The following SNAP23 variants were observed in gnomAD, a reference collection of about 807,000 sequenced individuals.
SNAP23 encodes the protein synaptosomal-associated protein 23.
A neutral mutation model predicts 29.0 loss-of-function variants in SNAP23; 11 were observed. The observed-to-expected ratio is 0.38, with a 90% CI of 0.24 to 0.63. SNAP23 has a LOEUF of 0.63. SNAP23 is among the 20% of genes least tolerant of loss of function. SNAP23 has a pLI of 0.58. For synonymous variants in SNAP23, 60 were observed against 82.9 expected (o/e 0.72, Z 1.50); for missense variants, 220 against 253.9 (o/e 0.87, Z 0.91).
chr15:42,500,199 A>G (rs540572991), intron 1 of SNAP23, among the ~76,000 whole-genome samples: 124 of 98,074 alleles, frequency 1.3e-3, no homozygotes, highest in African/African-American at 5.0e-3. Flanking sequence ...TGGTTCCTTT[A>G]TCTGCAACAC....
At chr15:42,500,535 T>C (rs186742408) in intron 1 of SNAP23, among the ~76,000 whole-genome samples, 36 of 151,958 alleles carry the variant, frequency 2.4e-4, no homozygotes, top group African/African-American at 8.7e-4. Flanking sequence ...ATTACAGGCA[T>C]GCGCCACCAC....
At chr15:42,522,842 C>CTTTTTTTTTTTTTT (rs5812226) in intron 5 of SNAP23, among the ~76,000 whole-genome samples, 2 of 91,054 alleles carry the variant, frequency 2.2e-5, no homozygotes, top group Non-Finnish European at 1.9e-5. Flanking sequence ...TAAAACTTGC[C>CTTTTTTTTTTTTTT]TTTTTTTTTT....
chr15:42,525,752 G>A (rs1048659851), intron 5 of SNAP23, among the ~76,000 whole-genome samples: 2 of 151,910 alleles, frequency 1.3e-5, no homozygotes, highest in Non-Finnish European at 1.5e-5. Flanking sequence ...GTGAATCACC[G>A]CACCCGGCCA....
upstream of SNAP23, chr15:42,491,140 C>T (rs1210110525): frequency 6.6e-6 from 1 of 152,430 alleles, no homozygotes; most frequent in Non-Finnish European, 1.5e-5. Flanking sequence ...CAGGCGCACA[C>T]CGAAGCCGTC....
chr15:42,521,275 A>G (rs866372597), intron 5 of SNAP23, among the ~76,000 whole-genome samples: 6 of 152,356 alleles, frequency 3.9e-5, no homozygotes, highest in Middle Eastern at 3.4e-3. Context: ...ACATAATAGA[A>G]GTCATTAAGA....
intron 5 of SNAP23, among the ~76,000 whole-genome samples, chr15:42,525,451 CTTTTTTTTTTTTTTTTTTT>C (rs1158969519): frequency 4.2e-5 from 2 of 47,194 alleles, no homozygotes; most frequent in South Asian, 1.0e-3. Context: ...ATCCAGTCTT[CTTTTTTTTTTTTTTTTTTT>C]TTTTTTTTTT....
At chr15:42,513,091 A>G (rs2057369822) in intron 3 of SNAP23, 95 bp downstream of exon 3, 2 of 914,732 alleles carry the variant, frequency 2.2e-6, no homozygotes, top group Admixed American at 3.7e-5. Context: ...TAATGTATCA[A>G]TATGCTTTAT....
At chr15:42,517,904 G>A (rs570412581) in intron 5 of SNAP23, among the ~76,000 whole-genome samples, 51 of 152,132 alleles carry the variant, frequency 3.4e-4, no homozygotes, top group African/African-American at 1.2e-3. Flanking sequence ...TAGAGACAGG[G>A]GTCTTGCTAT....
intron 1 of SNAP23, among the ~76,000 whole-genome samples, chr15:42,502,478 A>C (rs1215398505): frequency 1.3e-5 from 2 of 152,220 alleles, no homozygotes; most frequent in African/African-American, 4.8e-5. Flanking sequence ...CCAGGAGTTC[A>C]AGACCAGCCT....
chr15:42,509,067 G>A (rs78616991), intron 1 of SNAP23, among the ~76,000 whole-genome samples: 36 of 152,284 alleles, frequency 2.4e-4, no homozygotes, highest in African/African-American at 8.4e-4. Flanking sequence ...GGAAAAGCAT[G>A]AGGCTACCTG....
At chr15:42,522,716 T>TAAAA (rs10553237) in intron 5 of SNAP23, among the ~76,000 whole-genome samples, 4 of 104,888 alleles carry the variant, frequency 3.8e-5, no homozygotes, top group Admixed American at 1.1e-4. Flanking sequence ...CAACCAAAAC[T>TAAAA]AAAAAAAAAA....
chr15:42,529,907 C>A, intron 7 of SNAP23, 88 bp downstream of exon 7: 2 of 1,396,180 alleles, frequency 1.4e-6, no homozygotes, highest in Admixed American at 2.1e-5. Flanking sequence ...GTGGGGGACA[C>A]GGTAGAATAA....
chr15:42,528,153 C>CTTTAAA, intron 5 of SNAP23, 109 bp from the exon 6 acceptor site: 1 of 678,902 alleles, frequency 1.5e-6, no homozygotes, highest in Non-Finnish European at 2.3e-6. Flanking sequence ...CTGTATGCAG[C>CTTTAAA]TTTTCTACTA....
intron 1 of SNAP23, among the ~76,000 whole-genome samples, chr15:42,498,020 T>C (rs1251161213): frequency 6.6e-6 from 1 of 152,196 alleles, no homozygotes; most frequent in Non-Finnish European, 1.5e-5. Context: ...AAGGGTGGGC[T>C]CCCAAGGCCT....
intron 1 of SNAP23, among the ~76,000 whole-genome samples, chr15:42,498,872 T>C (rs889186430): frequency 3.3e-5 from 5 of 152,186 alleles, no homozygotes; most frequent in Non-Finnish European, 5.9e-5. Flanking sequence ...TGAATATTTG[T>C]CTCAGGCTAG....
chr15:42,528,667 C>T (rs1334588403), intron 6 of SNAP23, among the ~76,000 whole-genome samples: 1 of 152,090 alleles, frequency 6.6e-6, no homozygotes, highest in Non-Finnish European at 1.5e-5. Context: ...CTCACTGCAA[C>T]CTCTGCCTCC....
chr15:42,503,916 T>C (rs1240337793), intron 1 of SNAP23, among the ~76,000 whole-genome samples: 3 of 152,130 alleles, frequency 2.0e-5, no homozygotes, highest in Admixed American at 2.0e-4. Flanking sequence ...GAAAAAAATA[T>C]GTATGTATAT....
chr15:42,507,292 T>C (rs1455974082), intron 1 of SNAP23, among the ~76,000 whole-genome samples: 1 of 152,184 alleles, frequency 6.6e-6, no homozygotes, highest in Non-Finnish European at 1.5e-5. Context: ...GATAAATACT[T>C]AGTAGGGTAT....
chr15:42,514,114 CTTTTG>C (rs535020247), intron 4 of SNAP23, among the ~76,000 whole-genome samples: 39 of 150,252 alleles, frequency 2.6e-4, no homozygotes, highest in Admixed American at 1.2e-3. Context: ...CGTGCCGGGC[CTTTTG>C]TTTTGTTTTG....
Sources: gnomAD v4.1 joint callset for allele counts (sites outside exome capture counted in the v4.1 genomes callset) on GRCh38, gnomAD v4.1.1 for gene constraint, MANE v1.5 for transcripts, NCBI Gene and HGNC (gene_info 2026-07-23, HGNC 2026-07-21) for gene names.